The following TYW1B variants were observed in gnomAD, a reference collection of about 807,000 sequenced individuals.
TYW1B encodes the protein tRNA-yW synthesizing protein 1 homolog B, also known as S-adenosyl-L-methionine-dependent tRNA 4-demethylwyosine synthase TYW1B.
In TYW1B, 73 loss-of-function variants were observed where a neutral mutation model predicts 86.9. That is an observed-to-expected ratio of 0.84 (90% CI 0.70 to 1.02). TYW1B has a LOEUF of 1.02. Among genes scored for constraint, TYW1B ranks in the 50% least tolerant of loss-of-function variants. The pLI is 0.00. For synonymous variants in TYW1B, 248 were observed against 292.8 expected, an observed-to-expected ratio of 0.85 and a Z score of 1.56; for missense variants, 637 against 827.4, an observed-to-expected ratio of 0.77 and a Z score of 2.82.
intron 8 of TYW1B, among the ~76,000 whole-genome samples, chr7:72,739,660 T>C (rs1376159813): frequency 6.9e-6 from 1 of 145,584 alleles, no homozygotes; most frequent in African/African-American, 2.5e-5. Flanking sequence ...AGTAGGTACA[T>C]GAACAACTTG....
At chr7:72,711,219 C>T (rs375070454) in intron 10 of TYW1B, among the ~76,000 whole-genome samples, 3 of 152,120 alleles carry the variant, frequency 2.0e-5, no homozygotes, top group Non-Finnish European at 2.9e-5. Context: ...AAAGCAGACT[C>T]GGGGCTATGC....
intron 11 of TYW1B, among the ~76,000 whole-genome samples, chr7:72,646,878 T>C (rs1400060110): frequency 3.9e-5 from 6 of 152,222 alleles, no homozygotes; most frequent in South Asian, 2.1e-4. Flanking sequence ...TCCTCTTGAG[T>C]ATTATAAAAA....
In TYW1B at chr7:72,613,312, A is replaced by G. The variant is rs1263782629; in HGVS notation, c.1785+3360T>C. 2.6e-5 allele frequency among the ~76,000 whole-genome samples: 4 copies of G among 152,146 alleles called. No homozygotes were observed. The East Asian group carries it at 7.7e-4, about 29-fold the overall frequency. On this transcript the variant is annotated intron_variant, in intron 13 of 13. Coordinates refer to ENST00000620995, the MANE Select transcript of TYW1B (RefSeq NM_001145440.3). ...AAGGTTGTAAAATGAGTAAACAAGC[A>G]AAGAAGAATATCTGACAGAGGCTGT...
At chr7:72,739,183 A>T (rs1164409485) in intron 8 of TYW1B, among the ~76,000 whole-genome samples, 10 of 152,206 alleles carry the variant, frequency 6.6e-5, no homozygotes, top group South Asian at 4.1e-4. Context: ...ATATGATGGC[A>T]AGGATTTGTA....
At chr7:72,776,240 A>G (rs1554470505) in intron 7 of TYW1B, among the ~76,000 whole-genome samples, 1 of 152,220 alleles carries the variant, frequency 6.6e-6, no homozygotes, top group African/African-American at 2.4e-5. Flanking sequence ...CGGTTCTTCT[A>G]CACATTAAGT....
intron 7 of TYW1B, among the ~76,000 whole-genome samples, chr7:72,747,169 G>A (rs1440695611): frequency 1.3e-5 from 2 of 152,188 alleles, no homozygotes; most frequent in African/African-American, 4.8e-5. Flanking sequence ...ATTCCCACGT[G>A]TTGTGGGAGA....
At chr7:72,673,744 A>T (rs562969883) in intron 11 of TYW1B, among the ~76,000 whole-genome samples, 1 of 152,320 alleles carries the variant, frequency 6.6e-6, no homozygotes, top group East Asian at 1.9e-4. Flanking sequence ...AAAAGTGACT[A>T]AAGGAGTATA....
intron 11 of TYW1B, among the ~76,000 whole-genome samples, chr7:72,645,901 G>A (rs1812917366): frequency 6.7e-6 from 1 of 150,086 alleles, no homozygotes; most frequent in African/African-American, 2.4e-5. Context: ...TTTTCTGTGT[G>A]TATGGTATAC....
chr7:72,827,432 G>A (rs566427808), intron 1 of TYW1B, among the ~76,000 whole-genome samples: 1 of 152,164 alleles, frequency 6.6e-6, no homozygotes, highest in South Asian at 2.1e-4. Context: ...GGAATCAACT[G>A]TAATAAAAAT....
At chr7:72,818,001 C>T (rs1307777201) in intron 2 of TYW1B, among the ~76,000 whole-genome samples, 1 of 151,506 alleles carries the variant, frequency 6.6e-6, no homozygotes, top group Non-Finnish European at 1.5e-5. Flanking sequence ...TGTCTCCAGA[C>T]TCTACTTTCC....
intron 7 of TYW1B, among the ~76,000 whole-genome samples, chr7:72,772,475 A>C (rs1787884237): frequency 6.6e-6 from 1 of 152,326 alleles, no homozygotes; most frequent in East Asian, 1.9e-4. Flanking sequence ...GATTAAAACA[A>C]AGTAATGTTG....
Position 72,670,867 on chromosome 7 carries a change from G to C in TYW1B, c.1506+23820C>G, listed in dbSNP as rs536482896. ...TAAGACTTGGAAAATTATTTTGCGT[G>C]TTGGTTAGAATATTTAGGGAAAATA... is the stretch of plus-strand genomic sequence containing the variant. On this transcript the variant is annotated intron_variant, in intron 11 of 13. Transcript: ENST00000620995. Among the ~76,000 whole-genome samples, 3 of 152,256 alleles carry C rather than the reference G, an allele frequency of 2.0e-5. No individual in the cohort carries two copies. In the South Asian group the frequency reaches 6.2e-4, roughly 32 times the overall value.
At chr7:72,626,007 C>G (rs1430409836) in intron 12 of TYW1B, among the ~76,000 whole-genome samples, 3 of 151,582 alleles carry the variant, frequency 2.0e-5, no homozygotes, top group African/African-American at 7.3e-5. Context: ...TCTTTAATAG[C>G]TAAATCATAA....
chr7:72,588,337 C>T (rs1554430819), intron 13 of TYW1B, among the ~76,000 whole-genome samples: 1 of 152,244 alleles, frequency 6.6e-6, no homozygotes. Context: ...TGCCAATTTC[C>T]TCTGATACTT....
intron 7 of TYW1B, among the ~76,000 whole-genome samples, chr7:72,753,468 T>C (rs1435215711): frequency 6.8e-6 from 1 of 148,048 alleles, no homozygotes; most frequent in Non-Finnish European, 1.5e-5. Context: ...AAGGCTCAGA[T>C]GATCATTAGC....
chr7:72,654,819 T>C (rs1554443390), intron 11 of TYW1B, among the ~76,000 whole-genome samples: 1 of 152,142 alleles, frequency 6.6e-6, no homozygotes, highest in African/African-American at 2.4e-5. Flanking sequence ...AGGCAGAGGT[T>C]GCAGTGAGCC....
intron 13 of TYW1B, among the ~76,000 whole-genome samples, chr7:72,612,324 A>C (rs1403575721): frequency 2.0e-5 from 3 of 152,176 alleles, no homozygotes; most frequent in Non-Finnish European, 4.4e-5. Flanking sequence ...CTGATAAATA[A>C]ATATATAAAT....
intron 2 of TYW1B, among the ~76,000 whole-genome samples, chr7:72,818,299 C>T (rs1554479792): frequency 2.6e-5 from 4 of 151,604 alleles, no homozygotes; most frequent in East Asian, 1.9e-4. Flanking sequence ...AAAAAATACC[C>T]GGCCGGGCAT....
chr7:72,690,714 T>A (rs1241931466), intron 11 of TYW1B, among the ~76,000 whole-genome samples: 1 of 152,230 alleles, frequency 6.6e-6, no homozygotes, highest in Non-Finnish European at 1.5e-5. Context: ...CTCTTATTTA[T>A]AGTAATCTGG....
Sources: gnomAD v4.1 joint callset for allele counts (sites outside exome capture counted in the v4.1 genomes callset) on GRCh38, gnomAD v4.1.1 for gene constraint, MANE v1.5 for transcripts, NCBI Gene and HGNC (gene_info 2026-07-23, HGNC 2026-07-21) for gene names.